The following UNC13A variants were observed in gnomAD, a reference collection of about 807,000 sequenced individuals.
UNC13A encodes protein unc-13 homolog A.
Under a neutral mutation model 219.7 loss-of-function variants are expected in UNC13A, and 61 were observed. The observed-to-expected ratio is 0.28, with a 90% CI of 0.23 to 0.34. The LOEUF (loss-of-function observed/expected upper bound fraction) is 0.34, where lower values mean the gene tolerates loss of function less well. Ranked by LOEUF, UNC13A falls within the 10% of genes least tolerant of loss-of-function variation. The pLI is 1.00. For synonymous variants in UNC13A, 920 were observed against 884.6 expected (o/e 1.04, Z -0.71); for missense variants, 1,476 against 2,270.3 (o/e 0.65, Z 7.11).
At chr19:17,632,936 G>C in intron 27 of UNC13A, 28 bp from the exon 28 acceptor site, 2 of 1,613,646 alleles carry the variant, frequency 1.2e-6, no homozygotes, top group Non-Finnish European at 8.5e-7. Context: ...GGATGGCACA[G>C]CTGGAAGGGT....
intron 4 of UNC13A, among the ~76,000 whole-genome samples, chr19:17,670,104 G>A (rs962056320): frequency 3.3e-5 from 5 of 151,652 alleles, no homozygotes; most frequent in East Asian, 1.9e-4. Flanking sequence ...CCGCCACCAC[G>A]CCTGGCTGAT....
At chr19:17,619,347 G>A (rs937142047) in intron 38 of UNC13A, among the ~76,000 whole-genome samples, 4 of 141,114 alleles carry the variant, frequency 2.8e-5, no homozygotes, top group Non-Finnish European at 4.8e-5. Flanking sequence ...AAATGGCTCT[G>A]GTCAAACACT....
chr19:17,642,129 C>T (rs1212510097), intron 20 of UNC13A, among the ~76,000 whole-genome samples: 1 of 151,726 alleles, frequency 6.6e-6, no homozygotes, highest in African/African-American at 2.4e-5. Context: ...CTCAACCACA[C>T]TTCCATCCAT....
intron 21 of UNC13A, among the ~76,000 whole-genome samples, 179 bp from the exon 22 acceptor site, chr19:17,640,840 AT>A: frequency 1.3e-5 from 2 of 149,034 alleles, no homozygotes; most frequent in South Asian, 4.3e-4. Context: ...CTTTATATCC[AT>A]TTGAGTTGCT....
intron 41 of UNC13A, among the ~76,000 whole-genome samples, chr19:17,617,198 C>T (rs1397619303): frequency 1.3e-5 from 2 of 152,118 alleles, no homozygotes; most frequent in Non-Finnish European, 2.9e-5. Context: ...TCCTTGACCC[C>T]TTGACATCAG....
At chr19:17,619,008 C>T in intron 38 of UNC13A, 46 bp from the exon 39 acceptor site, 2 of 1,575,988 alleles carry the variant, frequency 1.3e-6, no homozygotes, top group Admixed American at 1.7e-5. Flanking sequence ...GGTGCTACAG[C>T]TGACACTCCA....
At chr19:17,620,834 T>G in intron 37 of UNC13A, 112 bp from the exon 38 acceptor site, 2 of 1,241,772 alleles carry the variant, frequency 1.6e-6, no homozygotes, top group Non-Finnish European at 2.3e-6. Flanking sequence ...CAGGAGCTCC[T>G]CCCCAGGTCC....
intron 22 of UNC13A, among the ~76,000 whole-genome samples, chr19:17,640,227 C>T (rs571163973): frequency 2.0e-5 from 3 of 152,216 alleles, no homozygotes; most frequent in East Asian, 3.9e-4. Flanking sequence ...TTAGAAGAGA[C>T]GGGTTTTCAC....
intron 11 of UNC13A, among the ~76,000 whole-genome samples, chr19:17,653,971 C>T (rs570693018): frequency 7.4e-4 from 112 of 151,984 alleles, no homozygotes; most frequent in African/African-American, 2.0e-3. Context: ...GGACTACAGG[C>T]GCCTGCAACC....
chr19:17,629,624 G>A (rs1279303330), intron 30 of UNC13A, among the ~76,000 whole-genome samples: 1 of 152,034 alleles, frequency 6.6e-6, no homozygotes. Flanking sequence ...ATTCCTACTT[G>A]TAATTCCCAA....
intron 36 of UNC13A, 155 bp downstream of exon 36, chr19:17,623,385 CCG>C: frequency 1.7e-6 from 1 of 584,500 alleles, no homozygotes; most frequent in Non-Finnish European, 2.9e-6. Flanking sequence ...TCCCCATGCC[CCG>C]CCCCAGACAG....
intron 35 of UNC13A, among the ~76,000 whole-genome samples, chr19:17,624,312 T>G (rs887918855): frequency 1.3e-5 from 2 of 151,924 alleles, no homozygotes; most frequent in East Asian, 1.9e-4. Context: ...AGAGACGAGA[T>G]TTCACCATGT....
At chr19:17,641,062 A>G (rs998136613) in intron 21 of UNC13A, among the ~76,000 whole-genome samples, 6 of 151,762 alleles carry the variant, frequency 4.0e-5, no homozygotes, top group Admixed American at 3.9e-4. Flanking sequence ...TATTTTTAGT[A>G]GAGATGGGGT....
At chr19:17,623,739 G>A (rs2095544615) in intron 35 of UNC13A, among the ~76,000 whole-genome samples, 192 bp from the exon 36 acceptor site, 1 of 151,842 alleles carries the variant, frequency 6.6e-6, no homozygotes. Flanking sequence ...TATGGCCCCC[G>A]CTCACCCTCC....
chr19:17,673,906 G>A (rs1345410626), intron 3 of UNC13A, among the ~76,000 whole-genome samples: 1 of 152,080 alleles, frequency 6.6e-6, no homozygotes, highest in Non-Finnish European at 1.5e-5. Flanking sequence ...AGCTAGTTGG[G>A]AGGCTGAGGC....
At chr19:17,628,256 C>A in intron 31 of UNC13A, 1 of 402,152 alleles carries the variant, frequency 2.5e-6, no homozygotes. Context: ...CAAAGCTTTG[C>A]AGCTCACACC....
At chr19:17,623,504 G>GGACGGACA in intron 36 of UNC13A, 38 bp downstream of exon 36, 1 of 1,524,418 alleles carries the variant, frequency 6.6e-7, no homozygotes, top group Non-Finnish European at 8.7e-7. Context: ...GACACAGAGA[G>GGACGGACA]GACGGACAGA....
In UNC13A at chr19:17,658,354, T is replaced by G; in HGVS notation, c.560-85A>C. ...CCAATACAATTTCCCAGACTTACGGTGCCGCTACCGAAGAAGAGAATTTTT... is the reference window on the plus strand; with the variant it reads ...CCAATACAATTTCCCAGACTTACGGGGCCGCTACCGAAGAAGAGAATTTTT... On this transcript the variant is annotated intron_variant, in intron 8 of 43. Coordinates refer to ENST00000519716, the MANE Select transcript of UNC13A (RefSeq NM_001080421.3). 3.6e-6 allele frequency: 5 copies of G among 1,373,360 alleles called. No homozygotes were observed. In the South Asian group the frequency reaches 3.7e-5, roughly 10 times the overall value. The allele number at this position is 1,373,360 out of a possible 1,614,324, so 85.1% of individuals were successfully genotyped here. A position where few individuals can be genotyped will look rare whatever the true frequency, so the allele number is the denominator to read the frequency against.
chr19:17,648,003 A>G (rs1480061087), intron 16 of UNC13A, among the ~76,000 whole-genome samples: 2 of 121,924 alleles, frequency 1.6e-5, no homozygotes, highest in South Asian at 2.9e-4. Context: ...ACCTCCTCTG[A>G]GTCCCCTCCC....
Sources: allele counts gnomAD v4.1 joint callset (sites outside exome capture counted in the v4.1 genomes callset), GRCh38; gene constraint gnomAD v4.1.1; transcripts MANE v1.5; gene names NCBI Gene and HGNC (gene_info 2026-07-23, HGNC 2026-07-21).